Variants in TTLL9 observed in about 807,000 individuals in gnomAD.
TTLL9 encodes probable tubulin polyglutamylase TTLL9.
A neutral mutation model predicts 65.6 loss-of-function variants in TTLL9; 47 were observed. The observed-to-expected ratio is 0.72, with a 90% CI of 0.57 to 0.91. TTLL9 has a LOEUF of 0.91. Among genes scored for constraint, TTLL9 ranks in the 40% least tolerant of loss-of-function variants. The pLI, the probability that TTLL9 is intolerant of heterozygous loss-of-function variation, is 0.00. For missense variants in TTLL9, 537 were observed against 568.8 expected (o/e 0.94, Z 0.57); for synonymous variants, 179 against 204.8 (o/e 0.87, Z 1.07).
chr20:31,875,378 C>G (rs2063023920), intron 2 of TTLL9, among the ~76,000 whole-genome samples: 1 of 152,146 alleles, frequency 6.6e-6, no homozygotes, highest in Non-Finnish European at 1.5e-5. Flanking sequence ...AGTAGGAACC[C>G]TTGTCTCTAC....
chr20:31,941,367 T>G (rs1358985333), intron 14 of TTLL9: 3 of 152,156 alleles, frequency 2.0e-5, no homozygotes, highest in Admixed American at 6.5e-5. Flanking sequence ...ATGCGCTACT[T>G]CCTGGACCCC....
rs1174361901 is a variant in TTLL9 at position 31,873,686 on chromosome 20, GAAAGAAAGAA to G, written c.69+2493_69+2502del. 5.1e-3 allele frequency among the ~76,000 whole-genome samples: 139 copies of G among 27,270 alleles called. 1 individual carries two copies. Among genetic ancestry groups the G allele is most frequent in the African/African-American group, 0.013 (118 of 8,932 alleles). 17.9% of individuals were successfully genotyped at this position (27,270 alleles called of 152,430 possible). On this transcript the variant is annotated intron_variant, in intron 2 of 14. Coordinates refer to ENST00000535842, the MANE Select transcript of TTLL9 (RefSeq NM_001008409.5). The stretch of plus-strand genomic sequence containing the variant: ...AAAGAAAGAAAGAAAGAGAGAGAGA[GAAAGAAAGAA>G]AGAAAGAAAGAAAGAAAGAAAGAAA...
intron 3 of TTLL9, among the ~76,000 whole-genome samples, chr20:31,896,316 C>A (rs1236444405): frequency 1.3e-5 from 2 of 152,148 alleles, no homozygotes; most frequent in Non-Finnish European, 2.9e-5. Context: ...ACAAGTGATT[C>A]CATTTTGAAT....
At chr20:31,907,728 GA>G (rs756500222) in intron 4 of TTLL9, among the ~76,000 whole-genome samples, 41 of 127,462 alleles carry the variant, frequency 3.2e-4, no homozygotes, top group East Asian at 1.5e-3. Context: ...CTCGAAAAAA[GA>G]AAAAAAAAAA....
chr20:31,913,351 G>C (rs1292902391), intron 6 of TTLL9, among the ~76,000 whole-genome samples: 1 of 152,122 alleles, frequency 6.6e-6, no homozygotes, highest in East Asian at 1.9e-4. Context: ...TTGAGTATTA[G>C]TTCCGGGACC....
At chr20:31,930,913 C>T (rs79645174) in intron 10 of TTLL9, among the ~76,000 whole-genome samples, 11,147 of 152,100 alleles carry the variant, frequency 0.073, 433 homozygotes, top group Non-Finnish European at 0.093. Context: ...CCCTTTCTTT[C>T]AGCCTCTGCT....
intron 2 of TTLL9, among the ~76,000 whole-genome samples, chr20:31,880,269 G>GTCCATCCATCCATCCA (rs893268938): frequency 6.6e-6 from 1 of 151,886 alleles, no homozygotes; most frequent in Non-Finnish European, 1.5e-5. Flanking sequence ...CCGTCCATCC[G>GTCCATCCATCCATCCA]TCCATCCATC....
intron 4 of TTLL9, among the ~76,000 whole-genome samples, chr20:31,907,402 C>T (rs183220159): frequency 1.3e-5 from 2 of 152,148 alleles, no homozygotes; most frequent in African/African-American, 4.8e-5. Context: ...TGCATGGATA[C>T]ACACATATAT....
chr20:31,896,081 C>G (rs1192012680), intron 3 of TTLL9, among the ~76,000 whole-genome samples: 1 of 151,862 alleles, frequency 6.6e-6, no homozygotes, highest in Non-Finnish European at 1.5e-5. Flanking sequence ...CTCAGGTGTT[C>G]TGCCTGCCTC....
chr20:31,913,685 G>A (rs1456754383), intron 6 of TTLL9, among the ~76,000 whole-genome samples: 1 of 152,192 alleles, frequency 6.6e-6, no homozygotes, highest in Non-Finnish European at 1.5e-5. Flanking sequence ...ACCACCCTGT[G>A]GGGACCCTCT....
chr20:31,899,640 A>T (rs961025533), intron 4 of TTLL9, among the ~76,000 whole-genome samples: 12 of 149,570 alleles, frequency 8.0e-5, no homozygotes, highest in African/African-American at 3.0e-4. Context: ...ACTCAAAAAA[A>T]AAAAGAGAGA....
chr20:31,896,805 C>G (rs1333367871), intron 3 of TTLL9, among the ~76,000 whole-genome samples: 1 of 152,204 alleles, frequency 6.6e-6, no homozygotes, highest in South Asian at 2.1e-4. Flanking sequence ...GTTAGGATTA[C>G]AGGCGTGAGA....
In TTLL9 at chr20:31,943,318, AC is replaced by A; in HGVS notation, c.*302del. The A allele has an allele frequency of 2.2e-6, 1 of 464,130 alleles. No homozygotes were observed. The highest frequency in any genetic ancestry group is 3.4e-5 in the Admixed American group (1 of 29,136). 28.8% of individuals were successfully genotyped at this position (464,130 alleles called of 1,614,324 possible). ...GAGAACAAATACAGCAAGTTCTGCT[AC>A]CCCCAGGAGATCATATCTAATAAAT... On this transcript the variant is annotated 3_prime_UTR_variant, in exon 15 of 15. Transcript: ENST00000535842.
intron 6 of TTLL9, among the ~76,000 whole-genome samples, chr20:31,914,792 G>T (rs1049418515): frequency 6.6e-6 from 1 of 152,184 alleles, no homozygotes; most frequent in African/African-American, 2.4e-5. Context: ...CTCAGGAATG[G>T]CCGGTCTTCA....
Position 31,905,629 on chromosome 20 carries a change from G to A in TTLL9, c.207-2962G>A, listed in dbSNP as rs115775169. Among the ~76,000 whole-genome samples, 415 of 152,302 alleles carry A rather than the reference G, an allele frequency of 2.7e-3. 1 individual carries two copies. The highest frequency in any genetic ancestry group is 9.7e-3 in the African/African-American group (404 of 41,570). ...ATCTCTGGACATCTCTGAGCTCAGTGAAAGGCTGGGTCTGTCTGCCTGCCT... is the reference window on the plus strand; with the variant it reads ...ATCTCTGGACATCTCTGAGCTCAGTAAAAGGCTGGGTCTGTCTGCCTGCCT... On this transcript the variant is annotated intron_variant, in intron 4 of 14. Coordinates refer to ENST00000535842, the MANE Select transcript of TTLL9 (RefSeq NM_001008409.5).
Position 31,870,691 on chromosome 20 carries a change from CG to C in TTLL9, c.-263del. 1.0e-6 allele frequency: 1 copy of C among 955,994 alleles called. No homozygotes were observed. The highest frequency in any genetic ancestry group is 1.4e-6 in the Non-Finnish European group (1 of 722,034). The allele number at this position is 955,994 out of a possible 1,614,324, so 59.2% of individuals were successfully genotyped here. ...GCAGTTTGTTGGGGCCGCGTGGGGC[CG>C]CCACCTCCGGAGGTGGGGGCGGGGG... is the stretch of plus-strand genomic sequence containing the variant. On this transcript the variant is annotated 5_prime_UTR_variant, in exon 1 of 15. Transcript: ENST00000535842. This position sits in a 1 kb window ranked among gnomAD's most constrained non-coding sequence, Gnocchi z 6.6.
intron 3 of TTLL9, among the ~76,000 whole-genome samples, chr20:31,890,146 C>CT (rs1568753458): frequency 1.2e-3 from 22 of 18,926 alleles, no homozygotes; most frequent in Middle Eastern, 0.028. Flanking sequence ...TCCTTCCTTC[C>CT]TTCCTTCCTT....
At chr20:31,894,512 GT>G (rs1481379326) in intron 3 of TTLL9, among the ~76,000 whole-genome samples, 2 of 151,750 alleles carry the variant, frequency 1.3e-5, no homozygotes, top group African/African-American at 4.8e-5. Flanking sequence ...TGATAACTGG[GT>G]CATTTATGGG....
At position 31,891,826 on chromosome 20, in the gene TTLL9, G is replaced by A. The variant is rs559365454; in HGVS notation, c.113+4587G>A. The stretch of plus-strand genomic sequence containing the variant: ...TTTTATTTTATTTTATTTTTGAGAT[G>A]GAGTCTCACTCTGTCACCCAGGCTG... On this transcript the variant is annotated intron_variant, in intron 3 of 14. Coordinates refer to ENST00000535842, the MANE Select transcript of TTLL9 (RefSeq NM_001008409.5). Among the ~76,000 whole-genome samples, 3 of 152,126 alleles carry A rather than the reference G, an allele frequency of 2.0e-5. No homozygotes were observed. The South Asian group carries it at 6.2e-4, about 32-fold the overall frequency.
Sources: gnomAD v4.1 joint callset for allele counts (sites outside exome capture counted in the v4.1 genomes callset) on GRCh38, gnomAD v4.1.1 for gene constraint, Gnocchi (gnomAD v3.1) non-coding constraint, MANE v1.5 for transcripts, NCBI Gene and HGNC (gene_info 2026-07-23, HGNC 2026-07-21) for gene names.